Variants in TACR3 observed in about 807,000 individuals in gnomAD.
TACR3 encodes neuromedin-K receptor.
A neutral mutation model predicts 35.0 loss-of-function variants in TACR3; 34 were observed. That is an observed-to-expected ratio of 0.97 (90% CI 0.74 to 1.30). The LOEUF (loss-of-function observed/expected upper bound fraction) is 1.30, where lower values mean the gene tolerates loss of function less well. Among genes scored for constraint, TACR3 ranks in the 50% most tolerant of loss-of-function variants. TACR3 has a pLI of 0.00. For missense variants in TACR3, 558 were observed against 591.7 expected (o/e 0.94, Z 0.59); for synonymous variants, 233 against 221.1 (o/e 1.05, Z -0.48).
At chr4:103,643,028 T>G (rs1029982126) in intron 3 of TACR3, among the ~76,000 whole-genome samples, 28 of 151,976 alleles carry the variant, frequency 1.8e-4, no homozygotes, top group African/African-American at 6.7e-4. Flanking sequence ...ATTGTATTCA[T>G]GTCTTACTAC....
chr4:103,615,437 TG>T (rs1724631378), intron 3 of TACR3, among the ~76,000 whole-genome samples: 1 of 144,708 alleles, frequency 6.9e-6, no homozygotes, highest in Admixed American at 6.9e-5. Context: ...GAGAGGGAAA[TG>T]GGTTTGTTTT....
intron 3 of TACR3, among the ~76,000 whole-genome samples, chr4:103,614,266 A>C (rs1206801439): frequency 6.6e-6 from 1 of 152,192 alleles, no homozygotes; most frequent in Non-Finnish European, 1.5e-5. Context: ...TAATCATCAT[A>C]ATAGTTTTTT....
chr4:103,684,765 G>T (rs978269864), intron 1 of TACR3, among the ~76,000 whole-genome samples: 1 of 151,982 alleles, frequency 6.6e-6, no homozygotes, highest in Non-Finnish European at 1.5e-5. Context: ...CACTTTGGGG[G>T]GCTGAGGTGG....
intron 1 of TACR3, among the ~76,000 whole-genome samples, chr4:103,692,462 A>G (rs1443668977): frequency 6.6e-6 from 1 of 152,192 alleles, no homozygotes; most frequent in African/African-American, 2.4e-5. Flanking sequence ...TAGTTGCACT[A>G]TAACATACCA....
chr4:103,689,761 G>T (rs775232211), intron 1 of TACR3, among the ~76,000 whole-genome samples: 5 of 151,758 alleles, frequency 3.3e-5, no homozygotes, highest in Non-Finnish European at 7.4e-5. Context: ...GGAAAAAGAA[G>T]GGAACAAAAA....
chr4:103,700,417 A>C (rs2110222917), intron 1 of TACR3, among the ~76,000 whole-genome samples: 1 of 152,286 alleles, frequency 6.6e-6, no homozygotes, highest in South Asian at 2.1e-4. Context: ...TGTGAAGGAG[A>C]AACATCTTAT....
intron 1 of TACR3, among the ~76,000 whole-genome samples, chr4:103,684,003 GA>G (rs1036752411): frequency 4.6e-5 from 7 of 151,736 alleles, no homozygotes; most frequent in African/African-American, 1.2e-4. Context: ...ATTGATAACA[GA>G]AAAAAAATTT....
At position 103,627,998 on chromosome 4, in the gene TACR3, A is replaced by G. The variant is rs1724946048; in HGVS notation, c.888+28196T>C. On this transcript the variant is annotated intron_variant, in intron 3 of 4. Coordinates refer to ENST00000304883, the MANE Select transcript of TACR3 (RefSeq NM_001059.3). ...AACTCAGGATTAAGAAACTCACTCA[A>G]AACTGCACAACTTCATGGAAACTGA... is the stretch of plus-strand genomic sequence containing the variant. 2.0e-5 allele frequency among the ~76,000 whole-genome samples: 3 copies of G among 152,310 alleles called. 1 individual carries two copies. The highest frequency in any genetic ancestry group is 4.4e-5 in the Non-Finnish European group (3 of 68,024).
At chr4:103,606,543 C>A (rs1300883365) in intron 3 of TACR3, among the ~76,000 whole-genome samples, 1 of 152,080 alleles carries the variant, frequency 6.6e-6, no homozygotes, top group African/African-American at 2.4e-5. Context: ...TCCTTCATAT[C>A]CCTTGTAAGT....
intron 1 of TACR3, among the ~76,000 whole-genome samples, chr4:103,660,920 C>G (rs1003435920): frequency 6.6e-6 from 1 of 151,884 alleles, no homozygotes; most frequent in Non-Finnish European, 1.5e-5. Context: ...ATCATATATA[C>G]TTAATAGCCA....
Position 103,719,875 on chromosome 4 carries a change from G to C in TACR3, c.-200C>G. On this transcript the variant is annotated 5_prime_UTR_variant, in exon 1 of 5. Transcript: ENST00000304883. Reference sequence around the variant, plus strand: ...GGGCAACAGCTGCACTTTCTCAGAGGCGCTTGCGGCTCTGGCAGGCAGAAA... The same window carrying C: ...GGGCAACAGCTGCACTTTCTCAGAGCCGCTTGCGGCTCTGGCAGGCAGAAA... 1.6e-6 allele frequency: 1 copy of C among 645,034 alleles called. No individual in the cohort carries two copies. The highest frequency in any genetic ancestry group is 2.6e-6 in the Non-Finnish European group (1 of 378,214). 40.0% of individuals were successfully genotyped at this position (645,034 alleles called of 1,614,324 possible).
intron 3 of TACR3, among the ~76,000 whole-genome samples, chr4:103,633,497 C>A (rs566033445): frequency 6.6e-6 from 1 of 151,832 alleles, no homozygotes. Context: ...ATTTGTGAGA[C>A]CCTGGTGCAC....
At chr4:103,643,990 A>C (rs1335857126) in intron 3 of TACR3, among the ~76,000 whole-genome samples, 1 of 151,822 alleles carries the variant, frequency 6.6e-6, no homozygotes, top group Non-Finnish European at 1.5e-5. Flanking sequence ...TCTTTTTAAA[A>C]AAGAATAATC....
chr4:103,707,983 T>C (rs962172712), intron 1 of TACR3, among the ~76,000 whole-genome samples: 1 of 151,958 alleles, frequency 6.6e-6, no homozygotes, highest in Non-Finnish European at 1.5e-5. Flanking sequence ...AAGGCTTGAG[T>C]AGGTAAACAA....
chr4:103,690,736 G>A (rs1379638340), intron 1 of TACR3, among the ~76,000 whole-genome samples: 4 of 151,996 alleles, frequency 2.6e-5, no homozygotes, highest in Admixed American at 6.6e-5. Flanking sequence ...TATAAAATAA[G>A]TATCAACATT....
chr4:103,691,059 T>C (rs1054850276), intron 1 of TACR3, among the ~76,000 whole-genome samples: 1 of 152,218 alleles, frequency 6.6e-6, no homozygotes, highest in African/African-American at 2.4e-5. Context: ...GTGCAGTTTC[T>C]TATAAAGTTA....
At chr4:103,620,728 C>T (rs938077530) in intron 3 of TACR3, among the ~76,000 whole-genome samples, 3 of 151,912 alleles carry the variant, frequency 2.0e-5, no homozygotes, top group Non-Finnish European at 2.9e-5. Flanking sequence ...GGGAACAATA[C>T]ACATCGTGGA....
chr4:103,591,136 C>G, intron 4 of TACR3: 1 of 288,038 alleles, frequency 3.5e-6, no homozygotes, highest in Non-Finnish European at 6.6e-6. Context: ...GAAGTAACTT[C>G]ATTTCATTGA....
intron 1 of TACR3, among the ~76,000 whole-genome samples, chr4:103,697,420 T>G (rs1722545277): frequency 6.6e-6 from 1 of 150,738 alleles, no homozygotes; most frequent in Non-Finnish European, 1.5e-5. Flanking sequence ...ATTTATTTAT[T>G]TATTTATTTA....
Sources: gnomAD v4.1 joint callset for allele counts (sites outside exome capture counted in the v4.1 genomes callset) on GRCh38, gnomAD v4.1.1 for gene constraint, MANE v1.5 for transcripts, NCBI Gene and HGNC (gene_info 2026-07-23, HGNC 2026-07-21) for gene names.